Variants in ACTR3B observed in about 807,000 individuals in gnomAD.
ACTR3B encodes the protein actin-related protein 3B.
In ACTR3B, 8 loss-of-function variants were observed where a neutral mutation model predicts 59.0. The ratio of observed to expected loss-of-function variants is 0.14; its 90% CI spans 0.08 to 0.24. ACTR3B has a LOEUF of 0.24. ACTR3B is among the 10% of genes least tolerant of loss of function. ACTR3B has a pLI of 1.00. For synonymous variants in ACTR3B, 148 were observed against 197.9 expected, an observed-to-expected ratio of 0.75 and a Z score of 2.12; for missense variants, 245 against 552.3, an observed-to-expected ratio of 0.44 and a Z score of 5.58.
chr7:152,801,512 A>G (rs1309063093), intron 3 of ACTR3B, 109 bp from the exon 4 acceptor site: 3 of 1,420,342 alleles, frequency 2.1e-6, no homozygotes, highest in Non-Finnish European at 1.9e-6. Flanking sequence ...AACTGCAATA[A>G]GAAGGATACC....
At chr7:152,838,491 G>A (rs1487018697) in intron 9 of ACTR3B, among the ~76,000 whole-genome samples, 1 of 152,114 alleles carries the variant, frequency 6.6e-6, no homozygotes, top group Admixed American at 6.6e-5. Context: ...ACAATGAGAA[G>A]ACATGGACAC....
At chr7:152,793,093 T>C (rs956628960) in intron 2 of ACTR3B, among the ~76,000 whole-genome samples, 1 of 149,148 alleles carries the variant, frequency 6.7e-6, no homozygotes, top group African/African-American at 2.5e-5. Context: ...AATGGATTTT[T>C]TTTGTTTTGT....
At chr7:152,832,550 C>G (rs979576094) in intron 9 of ACTR3B, among the ~76,000 whole-genome samples, 2 of 152,072 alleles carry the variant, frequency 1.3e-5, no homozygotes, top group Admixed American at 1.3e-4. Context: ...CTCACGATCT[C>G]TTTTTCTTTT....
intron 4 of ACTR3B, among the ~76,000 whole-genome samples, chr7:152,809,837 A>G (rs12703212): frequency 5.9e-5 from 9 of 152,040 alleles, no homozygotes; most frequent in South Asian, 2.1e-4. Flanking sequence ...CACTGCGCCC[A>G]GCTAGCACAC....
At chr7:152,812,703 A>G (rs1303075214) in intron 4 of ACTR3B, 1 of 149,274 alleles carries the variant, frequency 6.7e-6, no homozygotes, top group Non-Finnish European at 1.5e-5. Flanking sequence ...GGCCAGATAT[A>G]GAATTCTTGG....
At chr7:152,785,493 C>CAGAGAGAGAGACAGAG (rs1374325171) in intron 2 of ACTR3B, among the ~76,000 whole-genome samples, 1 of 58,680 alleles carries the variant, frequency 1.7e-5, no homozygotes, top group East Asian at 5.0e-4. Flanking sequence ...GAGAGAGAGA[C>CAGAGAGAGAGACAGAG]AGAGAGAGAG....
At chr7:152,822,441 CA>C (rs1796248942) in intron 7 of ACTR3B, among the ~76,000 whole-genome samples, 1 of 152,218 alleles carries the variant, frequency 6.6e-6, no homozygotes, top group Non-Finnish European at 1.5e-5. Flanking sequence ...ACCAGATACC[CA>C]GGAAACACTT....
intron 2 of ACTR3B, among the ~76,000 whole-genome samples, chr7:152,792,523 G>A (rs2116683656): frequency 6.6e-6 from 1 of 152,066 alleles, no homozygotes; most frequent in Admixed American, 6.6e-5. Flanking sequence ...GCAGAGGCAG[G>A]CGGGTCATGA....
rs189084302 is a variant in ACTR3B at position 152,782,593 on chromosome 7, C to T, written c.45-594C>T. 2.3e-3 allele frequency among the ~76,000 whole-genome samples: 342 copies of T among 151,984 alleles called. 1 individual carries two copies. Among genetic ancestry groups the T allele is most frequent in the Non-Finnish European group, 2.3e-3 (158 of 67,972 alleles). On this transcript the variant is annotated intron_variant, in intron 1 of 11. Transcript: ENST00000256001. The stretch of plus-strand genomic sequence containing the variant: ...CTCTTGTCAGATGATTCTCAGGAGA[C>T]GGCAGTAGCTGTTTCTTAGACATAT...
chr7:152,848,190 C>A (rs1017986321), intron 9 of ACTR3B, among the ~76,000 whole-genome samples: 1 of 152,218 alleles, frequency 6.6e-6, no homozygotes, highest in Non-Finnish European at 1.5e-5. Flanking sequence ...CTTCGACAGT[C>A]GTCTTGGGAA....
At chr7:152,819,647 G>T (rs890965693) in intron 6 of ACTR3B, among the ~76,000 whole-genome samples, 4 of 152,156 alleles carry the variant, frequency 2.6e-5, no homozygotes, top group African/African-American at 4.8e-5. Context: ...TCACAGACAT[G>T]CCTTCACTGG....
chr7:152,778,109 G>T (rs890832784), intron 1 of ACTR3B, among the ~76,000 whole-genome samples: 17 of 151,302 alleles, frequency 1.1e-4, no homozygotes, highest in African/African-American at 4.1e-4. Context: ...CTTCAATAAG[G>T]ATTCTTCTAG....
chr7:152,852,315 C>G, intron 10 of ACTR3B, 64 bp downstream of exon 10: 1 of 1,535,716 alleles, frequency 6.5e-7, no homozygotes, highest in South Asian at 1.3e-5. Context: ...CGGGGCCCTC[C>G]TGACACAGAG....
intron 5 of ACTR3B, among the ~76,000 whole-genome samples, chr7:152,815,120 T>C (rs1008841446): frequency 5.3e-5 from 8 of 151,838 alleles, no homozygotes; most frequent in Admixed American, 2.0e-4. Flanking sequence ...CATTTGGTCA[T>C]TATTTGCCTG....
chr7:152,847,588 T>G (rs1334671331), intron 9 of ACTR3B, among the ~76,000 whole-genome samples: 1 of 152,070 alleles, frequency 6.6e-6, no homozygotes, highest in Non-Finnish European at 1.5e-5. Context: ...GGAAAGTATA[T>G]CCAATATACA....
At chr7:152,800,785 G>C in intron 3 of ACTR3B, 130 bp downstream of exon 3, 3 of 1,209,918 alleles carry the variant, frequency 2.5e-6, no homozygotes, top group Non-Finnish European at 3.4e-6. Context: ...TTTGAATAGA[G>C]GTGGTGGTGA....
intron 9 of ACTR3B, among the ~76,000 whole-genome samples, chr7:152,833,946 C>T (rs1352426334): frequency 6.6e-6 from 1 of 151,872 alleles, no homozygotes; most frequent in Admixed American, 6.6e-5. Context: ...GTGGCTGACC[C>T]CGGGTGGGAA....
chr7:152,790,373 G>A (rs531550935), intron 2 of ACTR3B, among the ~76,000 whole-genome samples: 171 of 152,194 alleles, frequency 1.1e-3, no homozygotes, highest in South Asian at 0.011. Context: ...GTAGAGATGG[G>A]GGTCTCTCTT....
intron 7 of ACTR3B, among the ~76,000 whole-genome samples, chr7:152,822,177 A>C (rs1796222462): frequency 6.6e-6 from 1 of 152,226 alleles, no homozygotes. Context: ...ATTCCGCTAG[A>C]GTATATCCAA....
Sources: allele counts gnomAD v4.1 joint callset (sites outside exome capture counted in the v4.1 genomes callset), GRCh38; gene constraint gnomAD v4.1.1; transcripts MANE v1.5; gene names NCBI Gene and HGNC (gene_info 2026-07-23, HGNC 2026-07-21).